The following PTPN18 variants were observed in gnomAD, a reference collection of about 807,000 sequenced individuals.
PTPN18 encodes the protein tyrosine-protein phosphatase non-receptor type 18.
A neutral mutation model predicts 65.4 loss-of-function variants in PTPN18; 65 were observed. That is an observed-to-expected ratio of 0.99 (90% confidence interval 0.81 to 1.22). The LOEUF is 1.22. PTPN18 is among the 50% of genes most tolerant of loss of function. The pLI is 0.00. For missense variants in PTPN18, 616 were observed against 646.5 expected (o/e 0.95, Z 0.51); for synonymous variants, 255 against 267.8 (o/e 0.95, Z 0.47).
chr2:130,359,882 C>T, intron 5 of PTPN18: 1 of 577,470 alleles, frequency 1.7e-6, no homozygotes, highest in Non-Finnish European at 3.1e-6. Context: ...GACCATAAGG[C>T]CCTATTCTGA....
intron 12 of PTPN18, 35 bp from the exon 13 acceptor site, chr2:130,372,222 C>T: frequency 6.4e-7 from 1 of 1,552,170 alleles, no homozygotes; most frequent in Non-Finnish European, 8.7e-7. Flanking sequence ...CCCAGCGCCG[C>T]CGTTTCACTT....
chr2:130,359,665 C>T lies in PTPN18; in HGVS notation c.414+19C>T, dbSNP rs768848089. ...TGGGCGGGTAGGTGCCCTCTGCCCCCAGGTTTCATGTCCTTGTGGGAGGAG... is the reference window on the plus strand; with the variant it reads ...TGGGCGGGTAGGTGCCCTCTGCCCCTAGGTTTCATGTCCTTGTGGGAGGAG... On this transcript the variant is annotated intron_variant, in intron 5 of 14. Coordinates refer to ENST00000175756, the MANE Select transcript of PTPN18 (RefSeq NM_014369.4). The T allele has an allele frequency of 1.9e-6, 3 of 1,612,624 alleles. No individual in the cohort carries two copies. The highest frequency in any genetic ancestry group is 2.2e-5 in the East Asian group (1 of 44,872).
In PTPN18 at chr2:130,358,966, G is replaced by GTGCT; in HGVS notation, c.194_197dup (p.Pro67AlafsTer4). 1 of 1,613,912 alleles carries GTGCT rather than the reference G, an allele frequency of 6.2e-7. No homozygotes were observed. Among genetic ancestry groups the GTGCT allele is most frequent in the East Asian group, 2.2e-5 (1 of 44,878 alleles). ...CGTGAGGAAGAACCGCTACAAAGAC[G>GTGCT]TGCTGCCTTGTAAGTCGGGGCTTCC... is the stretch of plus-strand genomic sequence containing the variant. On this transcript the variant is annotated frameshift_variant, in exon 2 of 15. Coordinates refer to ENST00000175756, the MANE Select transcript of PTPN18 (RefSeq NM_014369.4). LOFTEE classifies it high-confidence loss of function.
intron 1 of PTPN18, chr2:130,356,583 G>A: frequency 2.1e-6 from 1 of 483,980 alleles, no homozygotes; most frequent in Non-Finnish European, 4.2e-6. Context: ...CGACCTGACT[G>A]TCCCCTGTGA....
rs754377220 is a variant in PTPN18 at position 130,370,767 on chromosome 2, G to A, written c.819G>A (p.Ala273=). The part of the protein sequence containing the change: ...VVLKMRKQRP[A]AVQTEEQYRF... Reference sequence around the variant, plus strand: ...TTAAGATGAGGAAGCAGCGGCCTGCGGCCGTGCAGACAGAGGTGAACCCTG... The same window carrying A: ...TTAAGATGAGGAAGCAGCGGCCTGCAGCCGTGCAGACAGAGGTGAACCCTG... Residue 273 remains alanine, a synonymous_variant, in exon 10 of 15, where the codon GCG becomes GCA. Transcript: ENST00000175756. 1.4e-5 allele frequency: 23 copies of A among 1,614,034 alleles called. No homozygotes were observed. Among genetic ancestry groups the A allele is most frequent in the South Asian group, 4.4e-5 (4 of 91,080 alleles).
At chr2:130,358,126 C>G (rs1411739076) in intron 1 of PTPN18, among the ~76,000 whole-genome samples, 1 of 152,166 alleles carries the variant, frequency 6.6e-6, no homozygotes, top group South Asian at 2.1e-4. Context: ...AAGCCTGCCT[C>G]CCGCATGTGC....
intron 5 of PTPN18, among the ~76,000 whole-genome samples, chr2:130,366,004 T>G (rs1680369267): frequency 6.6e-6 from 1 of 152,176 alleles, no homozygotes; most frequent in Non-Finnish European, 1.5e-5. Flanking sequence ...GAAGTATGAG[T>G]CTTCCAAATT....
At chr2:130,372,139 C>A in intron 12 of PTPN18, 118 bp from the exon 13 acceptor site, 1 of 982,144 alleles carries the variant, frequency 1.0e-6, no homozygotes, top group Non-Finnish European at 1.5e-6. Flanking sequence ...CCCTCCCTCC[C>A]ATCTAGCGCA....
intron 13 of PTPN18, 141 bp downstream of exon 13, chr2:130,372,624 G>A: frequency 8.6e-7 from 1 of 1,159,924 alleles, no homozygotes; most frequent in East Asian, 2.6e-5. Context: ...CTGATGTCCA[G>A]GCGTCCCTGG....
intron 8 of PTPN18, 150 bp from the exon 9 acceptor site, chr2:130,370,407 G>C: frequency 3.5e-6 from 4 of 1,151,038 alleles, no homozygotes; most frequent in Non-Finnish European, 2.5e-6. Flanking sequence ...GATTAAAAAG[G>C]TTTTCCTTGT....
In PTPN18 at chr2:130,372,263, C is replaced by G. The variant is rs1236854651; in HGVS notation, c.1020C>G (p.Ile340Met). The G allele has an allele frequency of 1.9e-6, 3 of 1,572,988 alleles. No homozygotes were observed. Among genetic ancestry groups the G allele is most frequent in the East Asian group, 2.4e-5 (1 of 41,166 alleles). The change falls in exon 13 of 15, where the codon ATC (isoleucine) becomes ATG (methionine). Residue 340 changes from isoleucine to methionine, a missense_variant. Coordinates refer to ENST00000175756, the MANE Select transcript of PTPN18 (RefSeq NM_014369.4). ...CGGCCCTCCCTGCCTGCAGGAGCATCTCTGTGCCCGGGTCCCCGGGCCACG... is the reference window on the plus strand; with the variant it reads ...CGGCCCTCCCTGCCTGCAGGAGCATGTCTGTGCCCGGGTCCCCGGGCCACG... ...PRPPGGVLRS[I>M]SVPGSPGHAM...
Position 130,359,238 on chromosome 2 carries a change from C to G in PTPN18, c.208C>G (p.Gln70Glu), listed in dbSNP as rs754137279. 6.8e-6 allele frequency: 11 copies of G among 1,613,914 alleles called. No individual in the cohort carries two copies. The East Asian group carries it at 2.4e-4, about 36-fold the overall frequency. ...NRYKDVLPYD[Q>E]TRVILSLLQE... ...CTCACCTTATCTGCTGACAGATGAT[C>G]AGACGCGAGTAATCCTCTCCCTGCT... Residue 70 changes from glutamine (Q) to glutamate (E), a missense_variant, in exon 3 of 15, where the codon CAG becomes GAG. Gln to Glu is a conservative substitution (Grantham distance 29). This residue lies in a region of PTPN18 where 223 missense variants were observed against 210.0 expected (regional missense o/e 1.06). Transcript: ENST00000175756.
chr2:130,371,191 T>G lies in PTPN18; in HGVS notation c.925-8T>G, dbSNP rs771718723. On this transcript the variant is annotated splice_polypyrimidine_tract_variant and splice_region_variant and intron_variant, in intron 11 of 14. Transcript: ENST00000175756. ...CCCTCAGGAGCCTCCCCTCCTGTTT[T>G]TCTTCAGAATTGTGCCCCACTCTAC... 1.9e-6 allele frequency: 3 copies of G among 1,598,066 alleles called. No individual in the cohort carries two copies. The highest frequency in any genetic ancestry group is 2.6e-6 in the Non-Finnish European group (3 of 1,167,672).
intron 5 of PTPN18, among the ~76,000 whole-genome samples, chr2:130,361,221 A>G (rs987751250): frequency 6.6e-6 from 1 of 152,234 alleles, no homozygotes; most frequent in Non-Finnish European, 1.5e-5. Context: ...AATAAGTATT[A>G]ATTAGGTCAA....
At chr2:130,365,017 G>A (rs2104940349) in intron 5 of PTPN18, among the ~76,000 whole-genome samples, 1 of 152,242 alleles carries the variant, frequency 6.6e-6, no homozygotes, top group Admixed American at 6.5e-5. Flanking sequence ...ACAGGGATAT[G>A]GTCTGCATTG....
chr2:130,366,779 A>G (rs1680398098), intron 5 of PTPN18, among the ~76,000 whole-genome samples: 1 of 151,882 alleles, frequency 6.6e-6, no homozygotes. Context: ...TTTTGTGTAG[A>G]TCTGTATTTC....
At chr2:130,358,611 G>A (rs923980719) in intron 1 of PTPN18, among the ~76,000 whole-genome samples, 7 of 152,110 alleles carry the variant, frequency 4.6e-5, no homozygotes, top group Admixed American at 3.3e-4. Flanking sequence ...CAATGGGGAC[G>A]TCAATAATAG....
chr2:130,370,729 T>G lies in PTPN18; in HGVS notation c.781T>G (p.Phe261Val). Reference protein sequence around the residue: ...TQMIPPDFSLFDVVLKMRKQR... With the variant: ...TQMIPPDFSLVDVVLKMRKQR... ...GATGATCCCACCTGACTTCAGTCTC[T>G]TTGATGTGGTCCTTAAGATGAGGAA... Residue 261 changes from phenylalanine (F) to valine (V), a missense_variant, in exon 10 of 15, where the codon TTT (phenylalanine) becomes GTT (valine). Phe to Val is a conservative substitution (Grantham distance 50). Around this residue, in one of 3 missense-constraint regions of PTPN18, gnomAD observed 368 missense variants for 386.7 expected, o/e 0.95. Transcript: ENST00000175756. The G allele has an allele frequency of 6.2e-7, 1 of 1,614,232 alleles. No individual in the cohort carries two copies. Among genetic ancestry groups the G allele is most frequent in the Non-Finnish European group, 8.5e-7 (1 of 1,180,038 alleles).
Position 130,372,334 on chromosome 2 carries a change from C to T in PTPN18, c.1091C>T (p.Ala364Val). The part of the protein sequence containing the change: ...YAVVQKRGAP[A>V]GAGSGTQTGT... ...GTGGTGCAGAAGCGCGGGGCTCCAG[C>T]GGGCGCCGGGAGTGGGACGCAGACG... Residue 364 changes from alanine to valine, a missense_variant, in exon 13 of 15, where the codon GCG (alanine) becomes GTG (valine). Physicochemically the swap from Ala to Val is moderately conservative, Grantham distance 64. This residue lies in a region of PTPN18 where 368 missense variants were observed against 386.7 expected (regional missense o/e 0.95). Transcript: ENST00000175756. The T allele has an allele frequency of 2.1e-6, 3 of 1,423,958 alleles. No homozygotes were observed. Among genetic ancestry groups the T allele is most frequent in the East Asian group, 2.9e-5 (1 of 34,870 alleles). 88.2% of individuals were successfully genotyped at this position (1,423,958 alleles called of 1,614,324 possible).
Sources: allele counts gnomAD v4.1 joint callset (sites outside exome capture counted in the v4.1 genomes callset), GRCh38; gene constraint gnomAD v4.1.1; regional missense constraint gnomAD v4.1.1; transcripts MANE v1.5; gene names NCBI Gene and HGNC (gene_info 2026-07-23, HGNC 2026-07-21).